LHFPL3: variants seen among roughly 807,000 people sequenced by gnomAD.
LHFPL3 encodes the protein LHFPL tetraspan subfamily member 3, also known as LHFPL tetraspan subfamily member 3 protein.
LHFPL3 carries 5 observed loss-of-function variants against 19.3 expected under a neutral mutation model. The observed-to-expected ratio is 0.26, with a 90% CI of 0.14 to 0.54. LHFPL3 has a LOEUF of 0.54. Ranked by LOEUF, LHFPL3 falls within the 20% of genes least tolerant of loss-of-function variation. LHFPL3 has a pLI of 0.94. For synonymous variants in LHFPL3, 133 were observed against 126.2 expected, an observed-to-expected ratio of 1.05 and a Z score of -0.36; for missense variants, 249 against 307.4, an observed-to-expected ratio of 0.81 and a Z score of 1.42.
chr7:104,477,745 A>C (rs533623332), intron 1 of LHFPL3, among the ~76,000 whole-genome samples: 64 of 22,702 alleles, frequency 2.8e-3, no homozygotes, highest in African/African-American at 8.8e-3. Context: ...CTCTGAACTT[A>C]AAATAAGTTA....
intron 1 of LHFPL3, among the ~76,000 whole-genome samples, chr7:104,332,956 AAAAG>A (rs1346261414): frequency 2.0e-5 from 3 of 152,090 alleles, no homozygotes; most frequent in East Asian, 1.9e-4. Context: ...GAAAAAAAAA[AAAAG>A]AGGCTTTCTG....
chr7:104,581,070 G>A (rs1584415769), intron 1 of LHFPL3, among the ~76,000 whole-genome samples: 1 of 151,754 alleles, frequency 6.6e-6, no homozygotes, highest in Admixed American at 6.6e-5. Flanking sequence ...TCACAGGGTG[G>A]GTGTTTATTT....
At chr7:104,613,812 T>C (rs1012966479) in intron 1 of LHFPL3, among the ~76,000 whole-genome samples, 2 of 152,100 alleles carry the variant, frequency 1.3e-5, no homozygotes, top group African/African-American at 4.8e-5. Context: ...AACAAAGAGA[T>C]TGAACTTGAC....
intron 1 of LHFPL3, among the ~76,000 whole-genome samples, chr7:104,334,488 A>G (rs907611599): frequency 6.6e-6 from 1 of 152,220 alleles, no homozygotes; most frequent in African/African-American, 2.4e-5. Flanking sequence ...CGGAGGTTAC[A>G]CTGAGCCGAG....
At chr7:104,522,465 A>G (rs986691368) in intron 1 of LHFPL3, among the ~76,000 whole-genome samples, 1 of 151,662 alleles carries the variant, frequency 6.6e-6, no homozygotes, top group Admixed American at 6.6e-5. Context: ...GCAGCGCACC[A>G]GCATGGCACA....
At chr7:104,540,581 TG>T (rs936251418) in intron 1 of LHFPL3, among the ~76,000 whole-genome samples, 1 of 152,226 alleles carries the variant, frequency 6.6e-6, no homozygotes, top group African/African-American at 2.4e-5. Context: ...CTATGCTTTC[TG>T]GGGTAGCGAA....
At chr7:104,389,000 C>T (rs879731808) in intron 1 of LHFPL3, among the ~76,000 whole-genome samples, 7 of 152,258 alleles carry the variant, frequency 4.6e-5, no homozygotes, top group Admixed American at 2.6e-4. Flanking sequence ...TCTTCAATAT[C>T]ATACCAGAGG....
chr7:104,680,024 T>A (rs1792665662), intron 1 of LHFPL3, among the ~76,000 whole-genome samples: 1 of 152,200 alleles, frequency 6.6e-6, no homozygotes, highest in Non-Finnish European at 1.5e-5. Context: ...TATTCAGACT[T>A]GTATATCTAG....
intron 1 of LHFPL3, among the ~76,000 whole-genome samples, chr7:104,400,407 G>C (rs979557672): frequency 3.3e-5 from 5 of 152,172 alleles, no homozygotes; most frequent in Admixed American, 2.6e-4. Context: ...AATCCTATTT[G>C]GTAGGTCAAT....
At chr7:104,847,965 C>T (rs1009109155) in intron 2 of LHFPL3, among the ~76,000 whole-genome samples, 2 of 152,142 alleles carry the variant, frequency 1.3e-5, no homozygotes, top group African/African-American at 2.4e-5. Flanking sequence ...GACACTGATT[C>T]GAAATCTGGT....
intron 1 of LHFPL3, among the ~76,000 whole-genome samples, chr7:104,424,266 C>T (rs750140471): frequency 6.6e-6 from 1 of 152,180 alleles, no homozygotes; most frequent in Non-Finnish European, 1.5e-5. Flanking sequence ...GTGCAAGAAG[C>T]ATCAGAGCCC....
chr7:104,430,883 C>T (rs966826781), intron 1 of LHFPL3, among the ~76,000 whole-genome samples: 7 of 152,126 alleles, frequency 4.6e-5, no homozygotes, highest in African/African-American at 1.4e-4. Context: ...TTTGTATATC[C>T]GATGACTTTA....
intron 1 of LHFPL3, among the ~76,000 whole-genome samples, chr7:104,409,304 CTGTGTGTGTGTGTGTGTG>C (rs59285167): frequency 2.7e-5 from 4 of 148,804 alleles, no homozygotes; most frequent in African/African-American, 4.9e-5. Flanking sequence ...CTTATGTGTG[CTGTGTGTGTGTGTGTGTG>C]TGTGTGTGTG....
chr7:104,884,667 CA>C (rs1195281798), intron 2 of LHFPL3, among the ~76,000 whole-genome samples: 1 of 152,124 alleles, frequency 6.6e-6, no homozygotes, highest in African/African-American at 2.4e-5. Flanking sequence ...TTGTGAAGAA[CA>C]AATAAACTCC....
chr7:104,607,725 A>G (rs961327524), intron 1 of LHFPL3, among the ~76,000 whole-genome samples: 3 of 152,180 alleles, frequency 2.0e-5, no homozygotes. Context: ...ACAAAATGGG[A>G]GAAAATTTTC....
intron 2 of LHFPL3, among the ~76,000 whole-genome samples, chr7:104,903,491 G>T (rs887748428): frequency 7.2e-6 from 1 of 139,208 alleles, no homozygotes; most frequent in Non-Finnish European, 1.5e-5. Flanking sequence ...TTGAGACAGC[G>T]TCTTGCTCTG....
At chr7:104,544,429 C>T (rs899664677) in intron 1 of LHFPL3, among the ~76,000 whole-genome samples, 1 of 152,122 alleles carries the variant, frequency 6.6e-6, no homozygotes, top group Non-Finnish European at 1.5e-5. Context: ...TTCACAAAGA[C>T]AAAAATTTGA....
chr7:104,643,407 A>T (rs575739401), intron 1 of LHFPL3, among the ~76,000 whole-genome samples: 2 of 152,304 alleles, frequency 1.3e-5, no homozygotes, highest in East Asian at 3.9e-4. Flanking sequence ...AGATAATTTC[A>T]GTATTATTCT....
chr7:104,889,146 T>G (rs573121180), intron 2 of LHFPL3, among the ~76,000 whole-genome samples: 3 of 152,354 alleles, frequency 2.0e-5, no homozygotes, highest in African/African-American at 7.2e-5. Flanking sequence ...ACTCAACATA[T>G]AGTGTCTAAA....
Sources: gnomAD v4.1 joint callset for allele counts (sites outside exome capture counted in the v4.1 genomes callset) on GRCh38, gnomAD v4.1.1 for gene constraint, MANE v1.5 for transcripts, NCBI Gene and HGNC (gene_info 2026-07-23, HGNC 2026-07-21) for gene names.